Variants in RXRA observed in about 807,000 individuals in gnomAD.
RXRA encodes retinoic acid receptor RXR-alpha.
Under a neutral mutation model 44.5 loss-of-function variants are expected in RXRA, and 5 were observed. That is an observed-to-expected ratio of 0.11 (90% CI 0.06 to 0.24). RXRA has a LOEUF of 0.24. RXRA is among the 10% of genes least tolerant of loss of function. The probability of loss-of-function intolerance (pLI) is 1.00; values close to 1 mark genes in which losing one functional copy is unlikely to be tolerated. For missense variants in RXRA, 412 were observed against 646.5 expected (o/e 0.64, Z 3.93); for synonymous variants, 291 against 271.4 (o/e 1.07, Z -0.71).
intron 1 of RXRA, among the ~76,000 whole-genome samples, chr9:134,387,958 T>C (rs1287118133): frequency 6.6e-6 from 1 of 152,150 alleles, no homozygotes; most frequent in Non-Finnish European, 1.5e-5. Context: ...GGAGGTGACA[T>C]TGGGGGGTTT....
At chr9:134,362,776 T>G (rs923074641) in intron 1 of RXRA, among the ~76,000 whole-genome samples, 1 of 152,196 alleles carries the variant, frequency 6.6e-6, no homozygotes, top group Non-Finnish European at 1.5e-5. Flanking sequence ...CCTCATGTGG[T>G]CCCGGTCAGC....
chr9:134,392,879 C>T (rs975502596), intron 1 of RXRA, among the ~76,000 whole-genome samples: 6 of 152,024 alleles, frequency 3.9e-5, no homozygotes, highest in South Asian at 2.1e-4. Flanking sequence ...GTTGGGAACC[C>T]GTCCCTGGGC....
intron 6 of RXRA, chr9:134,427,124 A>C (rs1414163919): frequency 2.3e-5 from 23 of 984,892 alleles, no homozygotes; most frequent in Non-Finnish European, 2.8e-5. Flanking sequence ...CTTCTAGATT[A>C]GACTTCTCCC....
At chr9:134,371,214 A>C (rs976905319) in intron 1 of RXRA, among the ~76,000 whole-genome samples, 1 of 151,952 alleles carries the variant, frequency 6.6e-6, no homozygotes, top group African/African-American at 2.4e-5. Context: ...CTTGGGGCTG[A>C]GTGGGGTCCT....
At chr9:134,425,102 C>T (rs146733375) in intron 6 of RXRA, 76 of 985,356 alleles carry the variant, frequency 7.7e-5, no homozygotes, top group Middle Eastern at 5.2e-4. Flanking sequence ...CTGCTCACTC[C>T]GGGGAGTGTC....
intron 1 of RXRA, among the ~76,000 whole-genome samples, chr9:134,393,887 G>A (rs1176342850): frequency 6.6e-6 from 1 of 152,116 alleles, no homozygotes; most frequent in Non-Finnish European, 1.5e-5. Flanking sequence ...TGGGCTGTAT[G>A]AGTGGGCTGT....
At chr9:134,327,316 G>A (rs903761479) in intron 1 of RXRA, among the ~76,000 whole-genome samples, 1 of 152,160 alleles carries the variant, frequency 6.6e-6, no homozygotes, top group Non-Finnish European at 1.5e-5. Context: ...CTCCATTTGT[G>A]AGCAGGACAG....
chr9:134,419,302 A>C (rs1831289148), intron 5 of RXRA, among the ~76,000 whole-genome samples: 1 of 152,216 alleles, frequency 6.6e-6, no homozygotes, highest in Admixed American at 6.5e-5. Context: ...TATTTCGTGA[A>C]GGACATTATT....
rs1831650909 is a variant in RXRA, at chr9:134,437,814, G to GCCACACGCAGGCCCTGGTGGGA, written c.*1205_*1226dup. On this transcript the variant is annotated 3_prime_UTR_variant, in exon 10 of 10. Coordinates refer to ENST00000481739, the MANE Select transcript of RXRA (RefSeq NM_002957.6). ...GGAGTCGCAGCGCCCTCGGGCCTGG[G>GCCACACGCAGGCCCTGGTGGGA]CCACACGCAGGCCCTGGTGGGACCA... 1 of 152,342 alleles carries GCCACACGCAGGCCCTGGTGGGA rather than the reference G, an allele frequency of 6.6e-6. No individual in the cohort carries two copies. Among genetic ancestry groups the GCCACACGCAGGCCCTGGTGGGA allele is most frequent in the African/African-American group, 2.4e-5 (1 of 41,452 alleles). The allele number at this position is 152,342 out of a possible 1,614,324, so 9.4% of individuals were successfully genotyped here. A position where few individuals can be genotyped will look rare whatever the true frequency, so the allele number is the denominator to read the frequency against.
At chr9:134,354,222 T>G (rs1830256092) in intron 1 of RXRA, among the ~76,000 whole-genome samples, 1 of 152,228 alleles carries the variant, frequency 6.6e-6, no homozygotes, top group South Asian at 2.1e-4. Flanking sequence ...GGGGCACTTC[T>G]GCGTGCCGAG....
At chr9:134,348,285 T>C (rs999952546) in intron 1 of RXRA, among the ~76,000 whole-genome samples, 3 of 152,182 alleles carry the variant, frequency 2.0e-5, no homozygotes, top group African/African-American at 7.2e-5. Context: ...GGGTCTGTGG[T>C]TGGAGCTTGG....
Position 134,407,987 on chromosome 9 carries a change from G to T in RXRA, c.280-162G>T, listed in dbSNP as rs528185353. On this transcript the variant is annotated intron_variant, in intron 2 of 9. Transcript: ENST00000481739. The surrounding 1 kb of genome is among the most constrained non-coding windows in gnomAD (Gnocchi z 4.8). The stretch of plus-strand genomic sequence containing the variant: ...GCTGAGCAAGCACAGTGGCCCCGCT[G>T]CTCCGGAGCAGCGTGGCGGGTGGGG... Among the ~76,000 whole-genome samples, 56 of 152,034 alleles carry T rather than the reference G, an allele frequency of 3.7e-4. No homozygotes were observed. Among genetic ancestry groups the T allele is most frequent in the Non-Finnish European group, 6.8e-4 (46 of 67,922 alleles).
Position 134,436,859 on chromosome 9 carries a change from G to C in RXRA, c.*245G>C, listed in dbSNP as rs529430772. ...GCCTTCGTGGCAAGAACTAGCGTGA[G>C]CCCAGCCAGGCGCCTCCCCACCGGG... On this transcript the variant is annotated 3_prime_UTR_variant, in exon 10 of 10. Coordinates refer to ENST00000481739, the MANE Select transcript of RXRA (RefSeq NM_002957.6). 5 of 501,316 alleles carry C rather than the reference G, an allele frequency of 1.0e-5. No homozygotes were observed. The South Asian group carries it at 1.3e-4, about 13-fold the overall frequency. The allele number at this position is 501,316 out of a possible 1,614,324, so 31.1% of individuals were successfully genotyped here. A position where few individuals can be genotyped will look rare whatever the true frequency, so the allele number is the denominator to read the frequency against.
At position 134,434,197 on chromosome 9, in the gene RXRA, C is replaced by G. The variant is rs747426420; in HGVS notation, c.1231C>G (p.Gln411Glu). ...EAYCKHKYPE[Q>E]PGRFAKLLLR... ...CTACTGCAAGCACAAGTACCCAGAGCAGCCGGGAAGGTGGGTCCCGCCCCG... is the reference window on the plus strand; with the variant it reads ...CTACTGCAAGCACAAGTACCCAGAGGAGCCGGGAAGGTGGGTCCCGCCCCG... The change falls in exon 9 of 10, where the codon CAG (glutamine) becomes GAG (glutamate). Residue 411 changes from glutamine to glutamate, a missense_variant. Physicochemically the swap from Gln to Glu is conservative, Grantham distance 29 (BLOSUM62 2). This residue lies in a region of RXRA where 141 missense variants were observed against 270.8 expected (regional missense o/e 0.52). Coordinates refer to ENST00000481739, the MANE Select transcript of RXRA (RefSeq NM_002957.6). The G allele has an allele frequency of 6.2e-7, 1 of 1,612,838 alleles. No homozygotes were observed. Among genetic ancestry groups the G allele is most frequent in the South Asian group, 1.1e-5 (1 of 91,048 alleles).
At chr9:134,424,692 G>A (rs1283573109) in intron 6 of RXRA, 1 of 985,368 alleles carries the variant, frequency 1.0e-6, no homozygotes, top group Non-Finnish European at 1.2e-6. Context: ...GAACACTGGA[G>A]TTTGAAGCCT....
chr9:134,432,109 A>C, intron 8 of RXRA, 113 bp downstream of exon 8: 3 of 718,964 alleles, frequency 4.2e-6, no homozygotes, highest in Admixed American at 2.3e-5. Context: ...GCCAACTCCC[A>C]CCCTCCTTGA....
chr9:134,341,701 C>T (rs1446769432), intron 1 of RXRA, among the ~76,000 whole-genome samples: 1 of 152,096 alleles, frequency 6.6e-6, no homozygotes, highest in African/African-American at 2.4e-5. Context: ...AGCTCCAGGG[C>T]GGCTGGCCTC....
At chr9:134,422,103 G>A in intron 6 of RXRA, 1 of 1,341,922 alleles carries the variant, frequency 7.5e-7, no homozygotes, top group African/African-American at 1.5e-5. Context: ...CGACTCCTGG[G>A]ACACACTTCT....
At chr9:134,436,168 A>G (rs1398799980) in intron 9 of RXRA, among the ~76,000 whole-genome samples, 1 of 152,194 alleles carries the variant, frequency 6.6e-6, no homozygotes, top group East Asian at 1.9e-4. Context: ...TAACTTCTTC[A>G]CAAAGAGCTA....
Sources: gnomAD v4.1 joint callset for allele counts (sites outside exome capture counted in the v4.1 genomes callset) on GRCh38, gnomAD v4.1.1 for gene constraint, gnomAD v4.1.1 regional missense constraint, Gnocchi (gnomAD v3.1) non-coding constraint, MANE v1.5 for transcripts, NCBI Gene and HGNC (gene_info 2026-07-23, HGNC 2026-07-21) for gene names.